DCDC1: variants seen among roughly 807,000 people sequenced by gnomAD.
DCDC1 encodes doublecortin domain containing 1.
A neutral mutation model predicts 178.3 loss-of-function variants in DCDC1; 200 were observed. The ratio of observed to expected loss-of-function variants is 1.12; its 90% CI spans 1.00 to 1.26. The LOEUF (loss-of-function observed/expected upper bound fraction) is 1.26. DCDC1 is among the 50% of genes most tolerant of loss of function. The pLI is 0.00. For synonymous variants in DCDC1, 690 were observed against 604.8 expected, an observed-to-expected ratio of 1.14 and a Z score of -2.07; for missense variants, 1,983 against 1,749.2, an observed-to-expected ratio of 1.13 and a Z score of -2.38.
rs187685352 is a variant in DCDC1, at chr11:31,145,214, T to C, written c.1222-7430A>G. Reference sequence around the variant, plus strand: ...GATTTTAGAAAAGTAATGAAGTACATATCTGTATGCATATGGTGAGAGGAC... The same window carrying C: ...GATTTTAGAAAAGTAATGAAGTACACATCTGTATGCATATGGTGAGAGGAC... On this transcript the variant is annotated intron_variant, in intron 9 of 38. Coordinates refer to ENST00000684477, the MANE Select transcript of DCDC1 (RefSeq NM_001387274.1). Among the ~76,000 whole-genome samples the C allele has an allele frequency of 3.9e-5, 6 of 152,320 alleles. No homozygotes were observed. The East Asian group carries it at 1.2e-3, about 29-fold the overall frequency.
At chr11:31,068,793 T>A (rs1225383709) in intron 18 of DCDC1, among the ~76,000 whole-genome samples, 1 of 152,104 alleles carries the variant, frequency 6.6e-6, no homozygotes, top group Non-Finnish European at 1.5e-5. Flanking sequence ...ATGCTATTAG[T>A]GAATAACTCT....
chr11:31,223,496 T>C (rs1974532523), intron 9 of DCDC1, among the ~76,000 whole-genome samples: 1 of 152,184 alleles, frequency 6.6e-6, no homozygotes, highest in South Asian at 2.1e-4. Flanking sequence ...TACTTCTAGA[T>C]ATATACCCTG....
At chr11:31,020,483 A>G (rs915155346) in intron 20 of DCDC1, among the ~76,000 whole-genome samples, 1 of 152,166 alleles carries the variant, frequency 6.6e-6, no homozygotes. Flanking sequence ...ACTCTCCCCC[A>G]TCTCTTAAAC....
At chr11:30,979,706 A>G (rs1950288977) in intron 20 of DCDC1, among the ~76,000 whole-genome samples, 1 of 152,232 alleles carries the variant, frequency 6.6e-6, no homozygotes, top group South Asian at 2.1e-4. Flanking sequence ...ACCACATGGA[A>G]AAATAACCCA....
intron 5 of DCDC1, 124 bp from the exon 6 acceptor site, chr11:31,305,901 T>C: frequency 8.9e-7 from 1 of 1,129,770 alleles, no homozygotes; most frequent in Non-Finnish European, 1.2e-6. Flanking sequence ...AATACAGTTA[T>C]TTTCTAGCAG....
intron 20 of DCDC1, among the ~76,000 whole-genome samples, chr11:30,957,148 C>T (rs910793053): frequency 2.0e-5 from 3 of 152,130 alleles, no homozygotes; most frequent in South Asian, 2.1e-4. Context: ...GGACCCTTAT[C>T]CTCCCTCATC....
chr11:31,072,103 T>C (rs2135529215), intron 18 of DCDC1, among the ~76,000 whole-genome samples: 1 of 152,334 alleles, frequency 6.6e-6, no homozygotes, highest in South Asian at 2.1e-4. Flanking sequence ...TTTTCTTTTA[T>C]CTTTATCAGC....
At chr11:30,978,368 C>A (rs1243308963) in intron 20 of DCDC1, among the ~76,000 whole-genome samples, 1 of 152,202 alleles carries the variant, frequency 6.6e-6, no homozygotes, top group Non-Finnish European at 1.5e-5. Flanking sequence ...GACCATCTTG[C>A]ACATGGTTAT....
intron 7 of DCDC1, among the ~76,000 whole-genome samples, chr11:31,267,536 G>A (rs550305548): frequency 1.4e-4 from 22 of 152,292 alleles, no homozygotes; most frequent in African/African-American, 4.6e-4. Context: ...AAGATCATTC[G>A]CAACATCAAT....
At chr11:31,191,672 A>T (rs974527776) in intron 9 of DCDC1, among the ~76,000 whole-genome samples, 1 of 152,120 alleles carries the variant, frequency 6.6e-6, no homozygotes, top group South Asian at 2.1e-4. Flanking sequence ...AAAGGTCATG[A>T]GAAAGAGTGA....
intron 20 of DCDC1, among the ~76,000 whole-genome samples, chr11:30,959,883 C>T (rs1948992972): frequency 6.6e-6 from 1 of 152,178 alleles, no homozygotes; most frequent in Non-Finnish European, 1.5e-5. Context: ...ATCCATCACA[C>T]TCCACCTGGT....
chr11:31,084,334 C>T (rs1479372615), intron 17 of DCDC1, among the ~76,000 whole-genome samples: 1 of 151,774 alleles, frequency 6.6e-6, no homozygotes, highest in African/African-American at 2.4e-5. Context: ...CTAGAAATTG[C>T]TGTCACATGA....
At chr11:31,207,501 C>T (rs567681386) in intron 9 of DCDC1, among the ~76,000 whole-genome samples, 12 of 152,158 alleles carry the variant, frequency 7.9e-5, no homozygotes, top group East Asian at 1.9e-4. Context: ...ATCTTCTCTC[C>T]GCCCATTTTA....
At chr11:31,232,511 T>C (rs1423945250) in intron 9 of DCDC1, among the ~76,000 whole-genome samples, 1 of 152,162 alleles carries the variant, frequency 6.6e-6, no homozygotes, top group African/African-American at 2.4e-5. Flanking sequence ...AGGCCGCTGA[T>C]ATCCTTTTTT....
At chr11:30,911,446 T>C in intron 27 of DCDC1, 26 bp from the exon 28 acceptor site, 1 of 1,557,760 alleles carries the variant, frequency 6.4e-7, no homozygotes, top group East Asian at 2.3e-5. Flanking sequence ...TTAGCCACAT[T>C]ACAAAGTAGC....
intron 11 of DCDC1, among the ~76,000 whole-genome samples, chr11:31,113,962 C>T (rs1959433507): frequency 6.6e-6 from 1 of 152,154 alleles, no homozygotes. Flanking sequence ...GTTAATTTCA[C>T]ACCATGTTTC....
In DCDC1 at chr11:30,905,055, G is replaced by T. The variant is rs369313407; in HGVS notation, c.4214C>A (p.Ala1405Glu). The part of the protein sequence containing the change: ...CTQAASHSGM[A>E]ATHQKAVKII... Reference sequence around the variant, plus strand: ...TTTCACTGCCTTCTGGTGTGTGGCTGCCATGCCACTGTGAGATGCAGCTTG... The same window carrying T: ...TTTCACTGCCTTCTGGTGTGTGGCTTCCATGCCACTGTGAGATGCAGCTTG... Residue 1405 changes from alanine to glutamate, a missense_variant, in exon 31 of 39, where the codon GCA becomes GAA. Ala to Glu is a moderately radical substitution (Grantham distance 107, BLOSUM62 -1). Transcript: ENST00000684477. 1.2e-6 allele frequency: 2 copies of T among 1,613,806 alleles called. No individual in the cohort carries two copies. The highest frequency in any genetic ancestry group is 1.7e-6 in the Non-Finnish European group (2 of 1,179,784).
At chr11:31,137,509 C>T (rs1963294191) in intron 10 of DCDC1, among the ~76,000 whole-genome samples, 183 bp downstream of exon 10, 1 of 152,044 alleles carries the variant, frequency 6.6e-6, no homozygotes, top group African/African-American at 2.4e-5. Flanking sequence ...GCCACCACGC[C>T]CAGCTAATTT....
Position 31,013,801 on chromosome 11 carries a change from G to A in DCDC1, c.2591+50668C>T, listed in dbSNP as rs556319877. Among the ~76,000 whole-genome samples, 21 of 152,090 alleles carry A rather than the reference G, an allele frequency of 1.4e-4. No homozygotes were observed. The South Asian group carries it at 4.0e-3, about 29-fold the overall frequency. On this transcript the variant is annotated intron_variant, in intron 20 of 38. Coordinates refer to ENST00000684477, the MANE Select transcript of DCDC1 (RefSeq NM_001387274.1). Reference sequence around the variant, plus strand: ...TGGTATTAATGATGCTTTCATTTTTGTCTACAAGTAGCCTGAGAAAATGTC... The same window carrying A: ...TGGTATTAATGATGCTTTCATTTTTATCTACAAGTAGCCTGAGAAAATGTC...
Sources: allele counts gnomAD v4.1 joint callset (sites outside exome capture counted in the v4.1 genomes callset), GRCh38; gene constraint gnomAD v4.1.1; transcripts MANE v1.5; gene names NCBI Gene and HGNC (gene_info 2026-07-23, HGNC 2026-07-21).